ZNF544: variants seen among roughly 807,000 people sequenced by gnomAD.
The protein encoded by ZNF544 is zinc finger protein 544, also known as zinc finger protein AF020591.
ZNF544 carries 10 observed loss-of-function variants against 13.5 expected under a neutral mutation model. The ratio of observed to expected loss-of-function variants is 0.74; its 90% confidence interval spans 0.46 to 1.25. ZNF544 has a LOEUF of 1.25. Ranked by LOEUF, ZNF544 falls within the 50% of genes most tolerant of loss-of-function variation. The pLI is 0.00. For synonymous variants in ZNF544, 323 were observed against 300.5 expected (o/e 1.07, Z -0.77); for missense variants, 896 against 845.6 (o/e 1.06, Z -0.74).
intron 3 of ZNF544, among the ~76,000 whole-genome samples, chr19:58,232,946 CAAAA>C (rs71190012): frequency 8.7e-5 from 4 of 46,076 alleles, no homozygotes; most frequent in Admixed American, 3.1e-4. Context: ...GACTCCATCT[CAAAA>C]AAAAAAAAAA....
At chr19:58,237,168 A>G (rs1305621326) in intron 3 of ZNF544, among the ~76,000 whole-genome samples, 1 of 150,718 alleles carries the variant, frequency 6.6e-6, no homozygotes, top group Non-Finnish European at 1.5e-5. Context: ...GGCTCCAGCA[A>G]TCTTCCCGCC....
At chr19:58,229,756 G>A (rs867419192) in intron 2 of ZNF544, 186 bp downstream of exon 2, 7 of 152,470 alleles carry the variant, frequency 4.6e-5, no homozygotes, top group Non-Finnish European at 1.0e-4. Flanking sequence ...ACGCCTGTAA[G>A]TTAGGGATCG....
At chr19:58,257,065 G>A (rs2047612234) in intron 6 of ZNF544, among the ~76,000 whole-genome samples, 1 of 152,022 alleles carries the variant, frequency 6.6e-6, no homozygotes, top group Non-Finnish European at 1.5e-5. Context: ...GGGACTACAG[G>A]CACCCACCAC....
At position 58,240,762 on chromosome 19, in the gene ZNF544, A is replaced by AC. The variant is rs1029429388; in HGVS notation, c.-59-3203_-59-3202insC. Among the ~76,000 whole-genome samples, 152 of 141,830 alleles carry AC rather than the reference A, an allele frequency of 1.1e-3. 1 individual carries two copies. Among genetic ancestry groups the AC allele is most frequent in the Non-Finnish European group, 2.2e-3 (143 of 65,562 alleles). 93.0% of individuals were successfully genotyped at this position (141,830 alleles called of 152,430 possible). ...GGGCAACAGAGTGAAACTCCATCTC[A>AC]AAAAAAAAAAGAAAGTACAGGGTGT... On this transcript the variant is annotated intron_variant, in intron 3 of 6. Transcript: ENST00000687789.
chr19:58,250,454 A>G, intron 6 of ZNF544, among the ~76,000 whole-genome samples: 1 of 152,196 alleles, frequency 6.6e-6, no homozygotes, highest in East Asian at 1.9e-4. Context: ...TAGACTGTGT[A>G]TCCTTTGAAG....
intron 3 of ZNF544, among the ~76,000 whole-genome samples, chr19:58,241,164 T>TATATATATATATATTTAA (rs869083689): frequency 5.4e-5 from 5 of 92,250 alleles, no homozygotes; most frequent in African/African-American, 1.5e-4. Flanking sequence ...TATATTTAAA[T>TATATATATATATATTTAA]ATATATATAT....
intron 5 of ZNF544, among the ~76,000 whole-genome samples, chr19:58,274,674 G>A (rs906478395): frequency 1.1e-4 from 16 of 152,016 alleles, no homozygotes; most frequent in African/African-American, 3.6e-4. Flanking sequence ...CCTACTTTAC[G>A]AAAAACAGCA....
At chr19:58,244,211 G>A (rs553115044) in intron 4 of ZNF544, among the ~76,000 whole-genome samples, 155 bp downstream of exon 4, 44 of 152,134 alleles carry the variant, frequency 2.9e-4, no homozygotes, top group African/African-American at 8.9e-4. Flanking sequence ...GCAGTAAAGC[G>A]CGGCACCCGT....
chr19:58,267,766 A>C (rs2050117410), downstream of ZNF544: 1 of 149,602 alleles, frequency 6.7e-6, no homozygotes, highest in Non-Finnish European at 1.5e-5. Flanking sequence ...GCGTATCACG[A>C]GGTCAGGAGA....
At chr19:58,271,749 G>A (rs1294889368) in intron 5 of ZNF544, among the ~76,000 whole-genome samples, 1 of 152,164 alleles carries the variant, frequency 6.6e-6, no homozygotes, top group East Asian at 1.9e-4. Context: ...TGTGCCTATA[G>A]GTGAGAGAAG....
intron 4 of ZNF544, among the ~76,000 whole-genome samples, chr19:58,244,420 G>T (rs1324218650): frequency 6.6e-6 from 1 of 151,966 alleles, no homozygotes; most frequent in Non-Finnish European, 1.5e-5. Context: ...GGCTGGGGGA[G>T]TGTCCCCTTA....
intron 6 of ZNF544, among the ~76,000 whole-genome samples, chr19:58,252,329 A>G (rs1234991269): frequency 6.6e-6 from 1 of 152,202 alleles, no homozygotes; most frequent in African/African-American, 2.4e-5. Context: ...ACCTTCTATG[A>G]CATGCCTGGA....
At chr19:58,253,598 C>A (rs1449809770) in intron 6 of ZNF544, among the ~76,000 whole-genome samples, 1 of 152,136 alleles carries the variant, frequency 6.6e-6, no homozygotes, top group Non-Finnish European at 1.5e-5. Context: ...ACCACCACAT[C>A]CAGTTAATTT....
At chr19:58,275,783 CA>C (rs57148438) in intron 5 of ZNF544, among the ~76,000 whole-genome samples, 45 of 66,232 alleles carry the variant, frequency 6.8e-4, no homozygotes, top group South Asian at 4.5e-3. Context: ...GACCCTGTCT[CA>C]AAAAAAAAAA....
At chr19:58,252,801 A>T (rs2046500176) in intron 6 of ZNF544, among the ~76,000 whole-genome samples, 2 of 152,180 alleles carry the variant, frequency 1.3e-5, no homozygotes, top group African/African-American at 4.8e-5. Context: ...CCGTATCATA[A>T]TCCTTCCTTT....
chr19:58,245,388 G>A (rs774185813), intron 4 of ZNF544, among the ~76,000 whole-genome samples: 1 of 150,086 alleles, frequency 6.7e-6, no homozygotes, highest in Non-Finnish European at 1.5e-5. Context: ...TGCAACCTCT[G>A]CCTCCAGGTT....
intron 5 of ZNF544, 90 bp from the exon 6 acceptor site, chr19:58,246,621 C>CA (rs1448999746): frequency 6.6e-7 from 1 of 1,510,332 alleles, no homozygotes; most frequent in Non-Finnish European, 9.0e-7. Context: ...GGAGTTTCCT[C>CA]GGGACAGCAC....
chr19:58,272,327 C>A (rs1231231298), intron 5 of ZNF544, among the ~76,000 whole-genome samples: 1 of 151,958 alleles, frequency 6.6e-6, no homozygotes, highest in Non-Finnish European at 1.5e-5. Context: ...AGACCAAGGC[C>A]CAGGTGGAAG....
At chr19:58,271,069 C>T (rs2050572920) in intron 5 of ZNF544, among the ~76,000 whole-genome samples, 1 of 151,414 alleles carries the variant, frequency 6.6e-6, no homozygotes, top group Non-Finnish European at 1.5e-5. Flanking sequence ...AAGATTAGCC[C>T]AGCGTGGTGG....
Sources: gnomAD v4.1 joint callset for allele counts (sites outside exome capture counted in the v4.1 genomes callset) on GRCh38, gnomAD v4.1.1 for gene constraint, MANE v1.5 for transcripts, NCBI Gene and HGNC (gene_info 2026-07-23, HGNC 2026-07-21) for gene names.